Variants in MCTP1 observed in about 807,000 individuals in gnomAD.
MCTP1 encodes multiple C2 and transmembrane domain-containing protein 1.
In MCTP1, 69 loss-of-function variants were observed where a neutral mutation model predicts 120.6. The ratio of observed to expected loss-of-function variants is 0.57; its 90% CI spans 0.47 to 0.70. The LOEUF (loss-of-function observed/expected upper bound fraction) is 0.70, where lower values mean the gene tolerates loss of function less well. MCTP1 is among the 30% of genes least tolerant of loss of function. The pLI is 0.00. For missense variants in MCTP1, 1,203 were observed against 1,248.8 expected (o/e 0.96, Z 0.55); for synonymous variants, 529 against 493.1 (o/e 1.07, Z -0.96).
At chr5:95,171,011 G>T (rs866046386) in intron 1 of MCTP1, among the ~76,000 whole-genome samples, 1 of 152,034 alleles carries the variant, frequency 6.6e-6, no homozygotes, top group Admixed American at 6.5e-5. Context: ...AGTCTCGATG[G>T]TCTTTACAAT....
intron 1 of MCTP1, among the ~76,000 whole-genome samples, chr5:95,077,495 C>T (rs557026852): frequency 2.7e-5 from 4 of 149,674 alleles, no homozygotes; most frequent in African/African-American, 9.9e-5. Context: ...TTTTTTGAGA[C>T]GGAGTCCCAC....
At chr5:94,746,699 G>A (rs6877744) in intron 19 of MCTP1, among the ~76,000 whole-genome samples, 58,522 of 151,976 alleles carry the variant, frequency 0.39, 11,885 homozygotes, top group African/African-American at 0.49. Flanking sequence ...TGCATTCCAT[G>A]TCATAAAGAT....
At chr5:95,000,917 T>C (rs902240696) in intron 2 of MCTP1, among the ~76,000 whole-genome samples, 1 of 152,208 alleles carries the variant, frequency 6.6e-6, no homozygotes, top group African/African-American at 2.4e-5. Flanking sequence ...CAGGTTGATA[T>C]TGTTTGGCTT....
chr5:95,130,494 C>T (rs2152422930), intron 1 of MCTP1, among the ~76,000 whole-genome samples: 1 of 152,272 alleles, frequency 6.6e-6, no homozygotes, highest in South Asian at 2.1e-4. Flanking sequence ...GATATGGATT[C>T]CAGACCCAGC....
chr5:94,749,654 C>CAAAAAAAA (rs57404381), intron 19 of MCTP1, among the ~76,000 whole-genome samples: 16 of 50,960 alleles, frequency 3.1e-4, no homozygotes, highest in South Asian at 1.2e-3. Flanking sequence ...GACTTCATCT[C>CAAAAAAAA]AAAAAAAAAA....
rs555303411 is a variant in MCTP1, at chr5:95,050,347, T to C, written c.721-32863A>G. 3.3e-5 allele frequency among the ~76,000 whole-genome samples: 5 copies of C among 152,364 alleles called. No homozygotes were observed. In the South Asian group the frequency reaches 1.0e-3, roughly 32 times the overall value. On this transcript the variant is annotated intron_variant, in intron 1 of 22. Coordinates refer to ENST00000515393, the MANE Select transcript of MCTP1 (RefSeq NM_024717.7). ...ATATCTTTACTAAAAAGAATATTTG[T>C]TGTTTATTTGAAATTATAACTTAGC...
chr5:94,860,040 A>C (rs1795459244), intron 17 of MCTP1, among the ~76,000 whole-genome samples: 2 of 151,774 alleles, frequency 1.3e-5, no homozygotes, highest in Middle Eastern at 6.8e-3. Flanking sequence ...ATGGGATATA[A>C]AACATAATAT....
intron 19 of MCTP1, among the ~76,000 whole-genome samples, chr5:94,766,172 G>A (rs891729063): frequency 1.2e-4 from 19 of 152,276 alleles, no homozygotes; most frequent in South Asian, 6.2e-4. Flanking sequence ...GCTTGAACTC[G>A]GGAGGTGGAG....
At chr5:95,235,507 A>G (rs1460507909) in intron 1 of MCTP1, among the ~76,000 whole-genome samples, 1 of 152,048 alleles carries the variant, frequency 6.6e-6, no homozygotes, top group African/African-American at 2.4e-5. Context: ...TTAAAAAGGA[A>G]GAAGTAGAAA....
intron 12 of MCTP1, among the ~76,000 whole-genome samples, chr5:94,876,953 C>A (rs1799008504): frequency 6.6e-6 from 1 of 152,034 alleles, no homozygotes; most frequent in South Asian, 2.1e-4. Flanking sequence ...GCTCTCAAGG[C>A]ATGCACAGTT....
chr5:95,013,927 C>T (rs1421502372), intron 2 of MCTP1, among the ~76,000 whole-genome samples: 2 of 151,958 alleles, frequency 1.3e-5, no homozygotes, highest in Non-Finnish European at 2.9e-5. Context: ...AAGCAAATTG[C>T]AAACCTTCTG....
intron 1 of MCTP1, among the ~76,000 whole-genome samples, chr5:95,254,029 T>C (rs1355284634): frequency 6.6e-6 from 1 of 152,144 alleles, no homozygotes; most frequent in Non-Finnish European, 1.5e-5. Flanking sequence ...TCAATAAAAA[T>C]GTCAATATCT....
At chr5:94,784,487 G>A (rs1366627315) in intron 18 of MCTP1, among the ~76,000 whole-genome samples, 1 of 151,932 alleles carries the variant, frequency 6.6e-6, no homozygotes, top group Non-Finnish European at 1.5e-5. Flanking sequence ...TTTACGACAG[G>A]ACACCTACTT....
At chr5:94,708,302 T>A (rs1755388432) in intron 22 of MCTP1, 1 of 392,186 alleles carries the variant, frequency 2.5e-6, no homozygotes, top group Non-Finnish European at 4.6e-6. Context: ...AGGTTCTTTA[T>A]GCAACTGCTC....
intron 10 of MCTP1, among the ~76,000 whole-genome samples, chr5:94,895,209 A>T (rs541737529): frequency 6.6e-6 from 1 of 152,138 alleles, no homozygotes; most frequent in Non-Finnish European, 1.5e-5. Context: ...AAAATTCTGA[A>T]TTTTTGTGTT....
chr5:94,848,803 ATATT>A (rs1334741919), intron 17 of MCTP1, among the ~76,000 whole-genome samples: 6 of 151,896 alleles, frequency 4.0e-5, no homozygotes, highest in African/African-American at 1.4e-4. Context: ...ATTTATCTTA[ATATT>A]TATTTATTGC....
intron 9 of MCTP1, among the ~76,000 whole-genome samples, chr5:94,910,519 T>C (rs1808279308): frequency 6.6e-6 from 1 of 152,130 alleles, no homozygotes; most frequent in Non-Finnish European, 1.5e-5. Flanking sequence ...ATGTAAAGTT[T>C]GAAAGCAATG....
chr5:94,726,857 G>A (rs1319115128), intron 19 of MCTP1, among the ~76,000 whole-genome samples: 3 of 151,930 alleles, frequency 2.0e-5, no homozygotes, highest in African/African-American at 7.3e-5. Context: ...GTATTTTTTC[G>A]GTACATTGTT....
chr5:94,718,940 C>G (rs1028897840), intron 19 of MCTP1, among the ~76,000 whole-genome samples: 2 of 152,132 alleles, frequency 1.3e-5, no homozygotes, highest in African/African-American at 4.8e-5. Context: ...AGGCTGGTCT[C>G]GAACTCCTGA....
Sources: gnomAD v4.1 joint callset for allele counts (sites outside exome capture counted in the v4.1 genomes callset) on GRCh38, gnomAD v4.1.1 for gene constraint, MANE v1.5 for transcripts, NCBI Gene and HGNC (gene_info 2026-07-23, HGNC 2026-07-21) for gene names.